KCNT2: variants seen among roughly 807,000 people sequenced by gnomAD.
The protein encoded by KCNT2 is potassium channel subfamily T member 2.
In KCNT2, 67 loss-of-function variants were observed where a neutral mutation model predicts 153.8. The ratio of observed to expected loss-of-function variants is 0.44; its 90% CI spans 0.36 to 0.53. The LOEUF is 0.53. KCNT2 is among the 20% of genes least tolerant of loss of function. KCNT2 has a pLI of 0.00. For missense variants in KCNT2, 975 were observed against 1,354.8 expected (o/e 0.72, Z 4.40); for synonymous variants, 500 against 458.8 (o/e 1.09, Z -1.15).
At chr1:196,386,511 C>T (rs1165795750) in intron 13 of KCNT2, among the ~76,000 whole-genome samples, 1 of 151,978 alleles carries the variant, frequency 6.6e-6, no homozygotes, top group Non-Finnish European at 1.5e-5. Context: ...TATTGTAGTT[C>T]TTATGTTATT....
intron 23 of KCNT2, among the ~76,000 whole-genome samples, chr1:196,284,254 T>A (rs866086714): frequency 0.049 from 1,193 of 24,190 alleles, 76 homozygotes; most frequent in Non-Finnish European, 0.06. Context: ...AAAAAATATA[T>A]ATATATATAT....
At chr1:196,341,613 A>G (rs557082917) in intron 15 of KCNT2, among the ~76,000 whole-genome samples, 11 of 151,954 alleles carry the variant, frequency 7.2e-5, no homozygotes, top group Non-Finnish European at 1.0e-4. Context: ...CAAAAAGGAA[A>G]AGAAAAAAAA....
chr1:196,425,961 T>G lies in KCNT2; in HGVS notation c.1012A>C (p.Thr338Pro). 1 of 1,612,078 alleles carries G rather than the reference T, an allele frequency of 6.2e-7. No individual in the cohort carries two copies. Among genetic ancestry groups the G allele is most frequent in the South Asian group, 1.1e-5 (1 of 91,024 alleles). The change falls in exon 11 of 28, where the codon ACT becomes CCT. Residue 338 changes from threonine to proline, a missense_variant. Thr to Pro is a conservative substitution (Grantham distance 38). This residue lies in a region of KCNT2 where 202 missense variants were observed against 314.9 expected (regional missense o/e 0.64). Transcript: ENST00000294725. ...QDYYVVILCPTEMDVQVRRVL... is the reference protein window; with the variant it reads ...QDYYVVILCPPEMDVQVRRVL... ...CTTCGAACCTGTACATCCATTTCAG[T>G]AGGACACAAAATCACCACATAATAA...
intron 12 of KCNT2, chr1:196,404,246 T>C: frequency 3.0e-6 from 1 of 335,002 alleles, no homozygotes; most frequent in Non-Finnish European, 4.2e-6. Flanking sequence ...TTGTCACTTC[T>C]GGCTTGGAGT....
At chr1:196,393,344 C>T (rs947053010) in intron 13 of KCNT2, among the ~76,000 whole-genome samples, 1 of 151,394 alleles carries the variant, frequency 6.6e-6, no homozygotes, top group Non-Finnish European at 1.5e-5. Flanking sequence ...CGACATAACA[C>T]TTTATTGGGA....
intron 14 of KCNT2, among the ~76,000 whole-genome samples, chr1:196,350,775 G>A (rs1666606050): frequency 6.6e-6 from 1 of 152,066 alleles, no homozygotes; most frequent in Non-Finnish European, 1.5e-5. Flanking sequence ...TGAAGTCCTT[G>A]CCCATGCCTA....
chr1:196,477,352 G>A (rs1477539816), intron 5 of KCNT2, among the ~76,000 whole-genome samples: 4 of 152,122 alleles, frequency 2.6e-5, no homozygotes, highest in Non-Finnish European at 5.9e-5. Flanking sequence ...TTGGGAGGCT[G>A]AGGTTGGAGG....
chr1:196,447,923 T>G (rs1269738029), intron 8 of KCNT2, among the ~76,000 whole-genome samples: 1 of 151,198 alleles, frequency 6.6e-6, no homozygotes, highest in African/African-American at 2.4e-5. Flanking sequence ...ACTTTCTCTC[T>G]AACTCTTACC....
chr1:196,369,114 G>A (rs1428356714), intron 14 of KCNT2, among the ~76,000 whole-genome samples: 1 of 151,942 alleles, frequency 6.6e-6, no homozygotes, highest in Non-Finnish European at 1.5e-5. Context: ...CCTCATGGAT[G>A]GGACTAATTA....
chr1:196,552,430 T>A (rs1379471270), intron 1 of KCNT2, among the ~76,000 whole-genome samples: 2 of 151,410 alleles, frequency 1.3e-5, no homozygotes, highest in Admixed American at 1.3e-4. Flanking sequence ...AAAAATATCC[T>A]TTAAGCATGC....
intron 3 of KCNT2, among the ~76,000 whole-genome samples, chr1:196,487,234 A>G (rs974252345): frequency 6.6e-6 from 1 of 151,992 alleles, no homozygotes; most frequent in African/African-American, 2.4e-5. Flanking sequence ...CTGAGTATGA[A>G]GTACAAGCAA....
intron 11 of KCNT2, among the ~76,000 whole-genome samples, chr1:196,423,620 AAGAC>A (rs1673398511): frequency 1.3e-5 from 2 of 151,710 alleles, no homozygotes; most frequent in African/African-American, 4.8e-5. Context: ...TTTAGTGATA[AAGAC>A]ACAGTATATT....
chr1:196,454,178 G>A (rs989300915), intron 8 of KCNT2, among the ~76,000 whole-genome samples: 5 of 151,886 alleles, frequency 3.3e-5, no homozygotes, highest in African/African-American at 1.2e-4. Flanking sequence ...CAGTATAGCA[G>A]ATACAACGAT....
intron 26 of KCNT2, among the ~76,000 whole-genome samples, chr1:196,240,815 G>A (rs61820876): frequency 6.6e-6 from 1 of 151,892 alleles, no homozygotes; most frequent in Non-Finnish European, 1.5e-5. Context: ...TGTAAGGATC[G>A]AGGGGAAGGC....
chr1:196,362,283 C>T (rs1188085343), intron 14 of KCNT2, among the ~76,000 whole-genome samples: 1 of 152,072 alleles, frequency 6.6e-6, no homozygotes, highest in Non-Finnish European at 1.5e-5. Context: ...TCATTACCTC[C>T]TTCCTTGCTT....
intron 25 of KCNT2, among the ~76,000 whole-genome samples, chr1:196,259,078 C>T (rs1317122871): frequency 2.0e-5 from 3 of 152,046 alleles, no homozygotes; most frequent in African/African-American, 7.2e-5. Context: ...TTATTATTAA[C>T]CATATAAAGT....
chr1:196,233,602 T>C (rs986857133), intron 27 of KCNT2, among the ~76,000 whole-genome samples: 2 of 151,506 alleles, frequency 1.3e-5, no homozygotes, highest in African/African-American at 4.8e-5. Flanking sequence ...ACTGTGTATC[T>C]AAATGCTTTC....
At chr1:196,365,162 A>C (rs1334454677) in intron 14 of KCNT2, among the ~76,000 whole-genome samples, 1 of 152,104 alleles carries the variant, frequency 6.6e-6, no homozygotes, top group Admixed American at 6.6e-5. Context: ...ATTTGAATCT[A>C]ATAGCAACTA....
chr1:196,432,351 C>A (rs908793921), intron 8 of KCNT2, among the ~76,000 whole-genome samples: 8 of 152,100 alleles, frequency 5.3e-5, no homozygotes, highest in African/African-American at 1.9e-4. Context: ...GTGGAGCCAT[C>A]CCTGAAACCC....
Sources: allele counts gnomAD v4.1 joint callset (sites outside exome capture counted in the v4.1 genomes callset), GRCh38; gene constraint gnomAD v4.1.1; regional missense constraint gnomAD v4.1.1; transcripts MANE v1.5; gene names NCBI Gene and HGNC (gene_info 2026-07-23, HGNC 2026-07-21).